The following CRB1 variants were observed in gnomAD, a reference collection of about 807,000 sequenced individuals.
CRB1 encodes the protein crumbs cell polarity complex component 1.
CRB1 carries 83 observed loss-of-function variants against 120.0 expected under a neutral mutation model. The ratio of observed to expected loss-of-function variants is 0.69; its 90% CI spans 0.58 to 0.83. The LOEUF is 0.83. Ranked by LOEUF, CRB1 falls within the 40% of genes least tolerant of loss-of-function variation. The pLI is 0.00. For synonymous variants in CRB1, 625 were observed against 612.5 expected (o/e 1.02, Z -0.30); for missense variants, 1,699 against 1,687.6 (o/e 1.01, Z -0.12).
At position 197,442,149 on chromosome 1, in the gene CRB1, TTCTG is replaced by T. The variant is rs2125513517; in HGVS notation, c.3879-15_3879-12del. 6.2e-7 allele frequency: 1 copy of T among 1,614,080 alleles called. No homozygotes were observed. Among genetic ancestry groups the T allele is most frequent in the Non-Finnish European group, 8.5e-7 (1 of 1,180,004 alleles). On this transcript the variant is annotated splice_polypyrimidine_tract_variant and intron_variant, in intron 10 of 11. Coordinates refer to ENST00000367400, the MANE Select transcript of CRB1 (RefSeq NM_201253.3). ...TCAACAGGGACCTGGGTTTCTGCTG[TTCTG>T]TTTATTTTGAAGGTGTGAAAAGGAC...
In CRB1 at chr1:197,293,550, T is replaced by C. The variant is rs144744450; in HGVS notation, c.70+25068T>C. On this transcript the variant is annotated intron_variant, in intron 1 of 11. Coordinates refer to ENST00000367400, the MANE Select transcript of CRB1 (RefSeq NM_201253.3). ...CTACCAATGACTTTCTTCACAGAAC[T>C]GGAAAAAACTACTTTAAAGTTCATA... 5.6e-3 allele frequency among the ~76,000 whole-genome samples: 851 copies of C among 152,102 alleles called. 10 individuals are homozygous for C. The highest frequency in any genetic ancestry group is 0.019 in the African/African-American group (807 of 41,488).
At chr1:197,458,342 A>G (rs1347101082) in intron 11 of CRB1, among the ~76,000 whole-genome samples, 4 of 152,116 alleles carry the variant, frequency 2.6e-5, no homozygotes, top group Non-Finnish European at 5.9e-5. Flanking sequence ...AGTGCCATTA[A>G]GAACACTAAA....
At chr1:197,272,564 C>T (rs1348457016) in intron 1 of CRB1, among the ~76,000 whole-genome samples, 3 of 151,940 alleles carry the variant, frequency 2.0e-5, no homozygotes, top group Non-Finnish European at 4.4e-5. Context: ...GCAAACCGTG[C>T]TACATCTATA....
intron 2 of CRB1, among the ~76,000 whole-genome samples, chr1:197,337,433 G>C (rs995771635): frequency 6.6e-6 from 1 of 152,122 alleles, no homozygotes; most frequent in African/African-American, 2.4e-5. Context: ...CTAGTGGTTT[G>C]GTACTGATAA....
chr1:197,364,694 A>G (rs1660968223), intron 5 of CRB1, among the ~76,000 whole-genome samples: 1 of 151,582 alleles, frequency 6.6e-6, no homozygotes, highest in African/African-American at 2.4e-5. Flanking sequence ...TCAGGGAGTT[A>G]CTTCATCTAT....
At chr1:197,278,561 G>T (rs1029122359) in intron 1 of CRB1, among the ~76,000 whole-genome samples, 1 of 151,858 alleles carries the variant, frequency 6.6e-6, no homozygotes, top group African/African-American at 2.4e-5. Context: ...GCTCTTAAAA[G>T]CTTCAGCTCA....
rs1665075540 is a variant in CRB1 at position 197,435,079 on chromosome 1, C to G, written c.3216C>G (p.Asn1072Lys). ...GCACAATTGCTACTGGAAGCCTCAACTTTTTGAAGGATAATACAGATATTT... is the reference window on the plus strand; with the variant it reads ...GCACAATTGCTACTGGAAGCCTCAAGTTTTTGAAGGATAATACAGATATTT... ...VTSTIATGSLNFLKDNTDIYV... is the reference protein window; with the variant it reads ...VTSTIATGSLKFLKDNTDIYV... The change falls in exon 9 of 12, where the codon AAC becomes AAG. Residue 1072 changes from asparagine (N) to lysine (K), a missense_variant. Asn to Lys is a moderately conservative substitution (Grantham distance 94). Coordinates refer to ENST00000367400, the MANE Select transcript of CRB1 (RefSeq NM_201253.3). The G allele has an allele frequency of 1.9e-6, 3 of 1,613,910 alleles. No homozygotes were observed. The highest frequency in any genetic ancestry group is 1.7e-6 in the Non-Finnish European group (2 of 1,179,892).
the CRB1 span, among the ~76,000 whole-genome samples, chr1:197,255,106 T>C: frequency 6.6e-6 from 1 of 152,074 alleles, no homozygotes; most frequent in Non-Finnish European, 1.5e-5. Flanking sequence ...CGTTTCTCTT[T>C]CATTTGATAG....
intron 1 of CRB1, among the ~76,000 whole-genome samples, chr1:197,300,463 C>A (rs1656799054): frequency 6.6e-6 from 1 of 151,962 alleles, no homozygotes; most frequent in African/African-American, 2.4e-5. Flanking sequence ...TTTCCTTAAG[C>A]CAAAGCCTAA....
the CRB1 span, among the ~76,000 whole-genome samples, chr1:197,255,996 T>TATATACAC: frequency 1.1e-4 from 13 of 116,712 alleles, no homozygotes; most frequent in East Asian, 3.9e-4. Context: ...TATATATATA[T>TATATACAC]ACACTACAAT....
chr1:197,221,674 C>T, the CRB1 span, among the ~76,000 whole-genome samples: 1 of 152,014 alleles, frequency 6.6e-6, no homozygotes, highest in Non-Finnish European at 1.5e-5. Context: ...TATTCAATTT[C>T]CTTTGTCATT....
At chr1:197,315,891 T>C (rs1464523951) in intron 1 of CRB1, among the ~76,000 whole-genome samples, 1 of 152,236 alleles carries the variant, frequency 6.6e-6, no homozygotes, top group Non-Finnish European at 1.5e-5. Flanking sequence ...GATATAACAA[T>C]TGCTTCTTAC....
chr1:197,219,527 T>C, the CRB1 span, among the ~76,000 whole-genome samples: 1 of 152,340 alleles, frequency 6.6e-6, no homozygotes, highest in Admixed American at 6.5e-5. Flanking sequence ...CTTATACGAC[T>C]GCTAATATAA....
chr1:197,451,352 A>C (rs1665964041), intron 11 of CRB1, among the ~76,000 whole-genome samples: 1 of 152,246 alleles, frequency 6.6e-6, no homozygotes, highest in Non-Finnish European at 1.5e-5. Flanking sequence ...TTAGTTGAGC[A>C]AAGTGTAGTA....
chr1:197,220,759 G>T, the CRB1 span, among the ~76,000 whole-genome samples: 1 of 152,268 alleles, frequency 6.6e-6, no homozygotes, highest in South Asian at 2.1e-4. Flanking sequence ...CCCCCTTGCT[G>T]TTCTGGTGAT....
chr1:197,466,390 G>A (rs191050970), intron 11 of CRB1, among the ~76,000 whole-genome samples: 2 of 152,294 alleles, frequency 1.3e-5, no homozygotes, highest in East Asian at 3.9e-4. Flanking sequence ...ATTATAGGAG[G>A]CTATTTTTTT....
Position 197,434,705 on chromosome 1 carries a change from G to T in CRB1, c.2843-1G>T, listed in dbSNP as rs878853368. On this transcript the variant is annotated splice_acceptor_variant, in intron 8 of 11. Transcript: ENST00000367400. LOFTEE classifies it high-confidence loss of function. ...TGATTATTATCACCTTCTCTCATTA[G>T]GTATTGCAAATGCTGTTTTTAATGG... is the stretch of plus-strand genomic sequence containing the variant. 2 of 1,611,478 alleles carry T rather than the reference G, an allele frequency of 1.2e-6. No homozygotes were observed. Among genetic ancestry groups the T allele is most frequent in the South Asian group, 1.1e-5 (1 of 90,996 alleles).
the CRB1 span, among the ~76,000 whole-genome samples, chr1:197,220,623 A>G: frequency 1.3e-5 from 2 of 152,214 alleles, no homozygotes; most frequent in African/African-American, 4.8e-5. Flanking sequence ...AAGTGGTAAC[A>G]CAGGAAGAAA....
At chr1:197,366,912 T>A (rs1048665885) in intron 5 of CRB1, among the ~76,000 whole-genome samples, 1 of 152,092 alleles carries the variant, frequency 6.6e-6, no homozygotes, top group African/African-American at 2.4e-5. Flanking sequence ...TTCTCCAAAA[T>A]CATTTCAAAA....
Sources: gnomAD v4.1 joint callset for allele counts (sites outside exome capture counted in the v4.1 genomes callset) on GRCh38, gnomAD v4.1.1 for gene constraint, MANE v1.5 for transcripts, NCBI Gene and HGNC (gene_info 2026-07-23, HGNC 2026-07-21) for gene names.